The following BLOC1S2 variants were observed in gnomAD, a reference collection of about 807,000 sequenced individuals.
The protein encoded by BLOC1S2 is biogenesis of lysosome-related organelles complex 1 subunit 2.
BLOC1S2 carries 12 observed loss-of-function variants against 19.6 expected under a neutral mutation model. That is an observed-to-expected ratio of 0.61 (90% CI 0.39 to 0.99). The LOEUF is 0.99. BLOC1S2 is among the 50% of genes least tolerant of loss of function. BLOC1S2 has a pLI of 0.00. For missense variants in BLOC1S2, 142 were observed against 171.0 expected, an observed-to-expected ratio of 0.83 and a Z score of 0.95; for synonymous variants, 66 against 64.1, an observed-to-expected ratio of 1.03 and a Z score of -0.14.
Position 100,286,170 on chromosome 10 carries a change from A to G in BLOC1S2, c.99T>C (p.Ala33=), listed in dbSNP as rs945645244. The change falls in exon 2 of 5, where the codon GCT becomes GCC. Residue 33 remains alanine, a synonymous_variant. Transcript: ENST00000370372. ...VETAEEAKEP[A]EADITELCRD... is the part of the protein sequence containing the mutation. ...GGCAGAGCTCAGTGATGTCAGCTTC[A>G]GCAGGCTCCTTTGCTTCCTCAGCTG... 3 of 1,614,080 alleles carry G rather than the reference A, an allele frequency of 1.9e-6. No homozygotes were observed. The highest frequency in any genetic ancestry group is 1.7e-4 in the Middle Eastern group (1 of 6,060).
chr10:100,286,646 G>A lies in BLOC1S2; in HGVS notation c.14C>T (p.Ala5Val), dbSNP rs767374084. 4.3e-6 allele frequency: 7 copies of A among 1,609,584 alleles called. No individual in the cohort carries two copies. The highest frequency in any genetic ancestry group is 1.6e-4 in the Middle Eastern group (1 of 6,068). The change falls in exon 1 of 5, where the codon GCC (alanine) becomes GTC (valine). Residue 5 changes from alanine to valine, a missense_variant. Ala to Val is a moderately conservative substitution (Grantham distance 64). This residue lies in a region of BLOC1S2 where 48 missense variants were observed against 29.7 expected (regional missense o/e 1.61). Transcript: ENST00000370372. ...ACTCCGGGTCGCCAGTACGCCCTCG[G>A]CTGCCGCCGCCATAGCGGACCCCGC... MAAA[A>V]EGVLATRSDE... is the part of the protein sequence containing the mutation.
Position 100,280,220 on chromosome 10 carries a change from G to A in BLOC1S2, c.301C>T (p.Leu101=), listed in dbSNP as rs1334005503. 1.4e-5 allele frequency: 22 copies of A among 1,602,754 alleles called. No homozygotes were observed. Among genetic ancestry groups the A allele is most frequent in the Middle Eastern group, 1.7e-4 (1 of 5,974 alleles). Residue 101 remains leucine, a synonymous_variant, in exon 4 of 5, where the codon CTG becomes TTG. Coordinates refer to ENST00000370372, the MANE Select transcript of BLOC1S2 (RefSeq NM_173809.5). ...LKDLNQKYAG[L]QPYLDQINVI... ...TTGATCTGATCCAGATAAGGCTGCA[G>A]TCCAGCATCTTTAAAAACAAAGAAA...
intron 4 of BLOC1S2, among the ~76,000 whole-genome samples, chr10:100,279,117 C>T (rs916273635): frequency 8.6e-5 from 13 of 151,612 alleles, no homozygotes; most frequent in Admixed American, 3.9e-4. Context: ...ACAACAACAA[C>T]AAAAAACCCA....
intron 1 of BLOC1S2, 105 bp from the exon 2 acceptor site, chr10:100,286,318 G>A: frequency 1.3e-6 from 2 of 1,500,100 alleles, no homozygotes; most frequent in Non-Finnish European, 1.8e-6. Flanking sequence ...CCATCAAGTC[G>A]GCTCCATTCT....
chr10:100,278,454 A>G (rs866543003), intron 4 of BLOC1S2, among the ~76,000 whole-genome samples: 6 of 152,226 alleles, frequency 3.9e-5, no homozygotes. Flanking sequence ...AGAAAGAAGT[A>G]GACATGGGAG....
intron 4 of BLOC1S2, among the ~76,000 whole-genome samples, chr10:100,276,652 C>CCGCCACGCCTGACTGGTTTT (rs1554909424): frequency 2.0e-5 from 3 of 150,180 alleles, no homozygotes; most frequent in Admixed American, 6.6e-5. Flanking sequence ...CAGGCGCGCG[C>CCGCCACGCCTGACTGGTTTT]CGCCACGCCT....
intron 3 of BLOC1S2, 141 bp downstream of exon 3, chr10:100,280,793 A>C (rs1257594176): frequency 3.4e-6 from 4 of 1,181,372 alleles, no homozygotes; most frequent in East Asian, 2.8e-5. Context: ...AATGGAAGAA[A>C]TTCATCTTAA....
At chr10:100,279,092 GAAAAAA>G (rs139256211) in intron 4 of BLOC1S2, among the ~76,000 whole-genome samples, 1 of 143,126 alleles carries the variant, frequency 7.0e-6, no homozygotes, top group African/African-American at 2.6e-5. Context: ...ATCTCTTATA[GAAAAAA>G]AAAACAAAAC....
chr10:100,278,893 C>A (rs1475289406), intron 4 of BLOC1S2, among the ~76,000 whole-genome samples: 1 of 151,970 alleles, frequency 6.6e-6, no homozygotes, highest in South Asian at 2.1e-4. Context: ...CGAGACCAGC[C>A]TGGGCAACAC....
chr10:100,275,159 T>A lies in BLOC1S2; in HGVS notation c.*303A>T. The A allele has an allele frequency of 2.5e-6, 1 of 406,382 alleles. No individual in the cohort carries two copies. The highest frequency in any genetic ancestry group is 4.3e-6 in the Non-Finnish European group (1 of 230,290). 25.2% of individuals were successfully genotyped at this position (406,382 alleles called of 1,614,324 possible). ...TACCAGAGAAAATAGGTCCTCTCAT[T>A]TGATTTTACTGGTAAGTCCAGCTGT... On this transcript the variant is annotated 3_prime_UTR_variant, in exon 5 of 5. Transcript: ENST00000370372.
At chr10:100,281,077 AATGT>A in intron 2 of BLOC1S2, 24 bp from the exon 3 acceptor site, 1 of 1,610,390 alleles carries the variant, frequency 6.2e-7, no homozygotes, top group Non-Finnish European at 8.5e-7. Flanking sequence ...CAGAAGATGT[AATGT>A]CTTTAAGATT....
intron 4 of BLOC1S2, among the ~76,000 whole-genome samples, chr10:100,277,061 C>G (rs1448606579): frequency 4.0e-5 from 6 of 150,396 alleles, no homozygotes; most frequent in African/African-American, 1.5e-4. Flanking sequence ...AAGTGAGGAG[C>G]GCCTCCTCCC....
intron 4 of BLOC1S2, among the ~76,000 whole-genome samples, chr10:100,276,346 CCCG>C (rs1847854842): frequency 3.6e-5 from 3 of 83,326 alleles, no homozygotes; most frequent in South Asian, 6.2e-4. Flanking sequence ...GTCTCCCTCT[CCCG>C]TCTCCCTCTC....
intron 1 of BLOC1S2, 104 bp from the exon 2 acceptor site, chr10:100,286,317 C>T: frequency 6.7e-7 from 1 of 1,501,054 alleles, no homozygotes; most frequent in Non-Finnish European, 8.9e-7. Context: ...TCCATCAAGT[C>T]GGCTCCATTC....
Position 100,274,755 on chromosome 10 carries a change from C to T in BLOC1S2, c.*707G>A. ...GCAATCGTCACCTCCCTACCCAACA[C>T]ATAAACACACATACCCATCTAGTCT... On this transcript the variant is annotated 3_prime_UTR_variant, in exon 5 of 5. Transcript: ENST00000370372. The T allele has an allele frequency of 2.6e-6, 1 of 391,602 alleles. No homozygotes were observed. The highest frequency in any genetic ancestry group is 3.6e-5 in the East Asian group (1 of 27,664). 24.3% of individuals were successfully genotyped at this position (391,602 alleles called of 1,614,324 possible). A position where few individuals can be genotyped will look rare whatever the true frequency, so the allele number is the denominator to read the frequency against.
chr10:100,275,487 T>C lies in BLOC1S2; in HGVS notation c.404A>G (p.Lys135Arg). Reference protein sequence around the residue: ...LDAYSKKLEAKYKKLEKR With the variant: ...LDAYSKKLEARYKKLEKR ...TCATCGCTTCTCCAGCTTCTTGTACTTGGCTTCTGTGAGGGATGAGGGAGA... is the reference window on the plus strand; with the variant it reads ...TCATCGCTTCTCCAGCTTCTTGTACCTGGCTTCTGTGAGGGATGAGGGAGA... Residue 135 changes from lysine (K) to arginine (R), a missense_variant, in exon 5 of 5, where the codon AAG (lysine) becomes AGG (arginine). By Grantham distance (26) the Lys-to-Arg change is conservative. Around this residue, in one of 2 missense-constraint regions of BLOC1S2, gnomAD observed 94 missense variants for 141.3 expected, o/e 0.67. Transcript: ENST00000370372. The C allele has an allele frequency of 1.9e-6, 3 of 1,605,788 alleles. No individual in the cohort carries two copies. Among genetic ancestry groups the C allele is most frequent in the Non-Finnish European group, 2.6e-6 (3 of 1,174,560 alleles).
Position 100,275,360 on chromosome 10 carries a change from C to T in BLOC1S2, c.*102G>A. 8.0e-7 allele frequency: 1 copy of T among 1,246,584 alleles called. No individual in the cohort carries two copies. 77.2% of individuals were successfully genotyped at this position (1,246,584 alleles called of 1,614,324 possible). A position where few individuals can be genotyped will look rare whatever the true frequency, so the allele number is the denominator to read the frequency against. ...TTCCTGTGATGACCAGCATAATTTCCTTTTGAGGAATTTTCACAATTCATC... is the reference window on the plus strand; with the variant it reads ...TTCCTGTGATGACCAGCATAATTTCTTTTTGAGGAATTTTCACAATTCATC... On this transcript the variant is annotated 3_prime_UTR_variant, in exon 5 of 5. Transcript: ENST00000370372.
intron 4 of BLOC1S2, among the ~76,000 whole-genome samples, chr10:100,275,791 G>A (rs549017071): frequency 3.3e-5 from 5 of 152,202 alleles, no homozygotes; most frequent in South Asian, 2.1e-4. Context: ...TTGACCTATC[G>A]GGAGCCTTAC....
At chr10:100,278,131 C>T (rs1374428198) in intron 4 of BLOC1S2, among the ~76,000 whole-genome samples, 2 of 141,856 alleles carry the variant, frequency 1.4e-5, no homozygotes, top group East Asian at 2.2e-4. Context: ...CGCCCCCTCC[C>T]GGCCAGCCAC....
Sources: gnomAD v4.1 joint callset for allele counts (sites outside exome capture counted in the v4.1 genomes callset) on GRCh38, gnomAD v4.1.1 for gene constraint, gnomAD v4.1.1 regional missense constraint, MANE v1.5 for transcripts, NCBI Gene and HGNC (gene_info 2026-07-23, HGNC 2026-07-21) for gene names.